Variants in PSME3 observed in about 807,000 individuals in gnomAD.
PSME3 encodes proteasome activator subunit 3, also known as proteasome activator complex subunit 3.
A neutral mutation model predicts 38.3 loss-of-function variants in PSME3; 7 were observed. That is an observed-to-expected ratio of 0.18 (90% CI 0.10 to 0.34). The LOEUF is 0.34. PSME3 is among the 10% of genes least tolerant of loss of function. The pLI is 1.00. For synonymous variants in PSME3, 108 were observed against 105.7 expected (o/e 1.02, Z -0.13); for missense variants, 192 against 307.6 (o/e 0.62, Z 2.81).
chr17:42,837,778 C>G, intron 5 of PSME3, 81 bp downstream of exon 5: 1 of 1,477,188 alleles, frequency 6.8e-7, no homozygotes, highest in Non-Finnish European at 9.5e-7. Flanking sequence ...CTAGTGTTCT[C>G]CTGACCAGGA....
intron 10 of PSME3, among the ~76,000 whole-genome samples, chr17:42,840,976 A>AC (rs2055524859): frequency 1.3e-5 from 2 of 151,452 alleles, no homozygotes; most frequent in Non-Finnish European, 3.0e-5. Context: ...TACTAAAAAT[A>AC]AAAAAAATTA....
rs775128023 is a variant in PSME3 at position 42,838,689 on chromosome 17, C to T, written c.406-42C>T. On this transcript the variant is annotated intron_variant, in intron 6 of 10. Transcript: ENST00000590720. The stretch of plus-strand genomic sequence containing the variant: ...GTCTGAATTGTGTACTTCATGGCTT[C>T]AGCCTTCAGGCAAAGGTCCTCATAT... 2.5e-6 allele frequency: 4 copies of T among 1,582,368 alleles called. No individual in the cohort carries two copies. In the South Asian group the frequency reaches 4.4e-5, roughly 18 times the overall value.
Position 42,843,161 on chromosome 17 carries a change from A to G in PSME3, c.*1583A>G, listed in dbSNP as rs2055555376. The G allele has an allele frequency of 1.3e-5, 2 of 152,478 alleles. No homozygotes were observed. Among genetic ancestry groups the G allele is most frequent in the Non-Finnish European group, 2.9e-5 (2 of 68,002 alleles). The allele number at this position is 152,478 out of a possible 1,614,324, so 9.4% of individuals were successfully genotyped here. A position where few individuals can be genotyped will look rare whatever the true frequency, so the allele number is the denominator to read the frequency against. On this transcript the variant is annotated 3_prime_UTR_variant, in exon 11 of 11. Transcript: ENST00000590720. ...TTCCACTGCCCCTCCTCCTCACCCT[A>G]TCACCCATGGATCGTAATGTAAAAT...
chr17:42,839,180 T>C lies in PSME3; in HGVS notation c.597+14T>C, dbSNP rs2055500081. Reference sequence around the variant, plus strand: ...TATCCCCATGTGGTAAGTAAGGGGTTTGTGGCCTGAGGGTGGAGGTGGCAG... The same window carrying C: ...TATCCCCATGTGGTAAGTAAGGGGTCTGTGGCCTGAGGGTGGAGGTGGCAG... On this transcript the variant is annotated intron_variant, in intron 9 of 10. Transcript: ENST00000590720. 1 of 1,575,738 alleles carries C rather than the reference T, an allele frequency of 6.3e-7. No homozygotes were observed. Among genetic ancestry groups the C allele is most frequent in the Non-Finnish European group, 8.7e-7 (1 of 1,145,154 alleles).
At chr17:42,841,055 C>G (rs1479425306) in intron 10 of PSME3, among the ~76,000 whole-genome samples, 1 of 151,156 alleles carries the variant, frequency 6.6e-6, no homozygotes, top group Non-Finnish European at 1.5e-5. Flanking sequence ...ATGGCATGAA[C>G]CTGGGAGGCG....
At position 42,842,524 on chromosome 17, in the gene PSME3, G is replaced by C. The variant is rs955609403; in HGVS notation, c.*946G>C. 14 of 152,914 alleles carry C rather than the reference G, an allele frequency of 9.2e-5. No individual in the cohort carries two copies. Among genetic ancestry groups the C allele is most frequent in the African/African-American group, 3.4e-4 (14 of 41,448 alleles). The allele number at this position is 152,914 out of a possible 1,614,324, so 9.5% of individuals were successfully genotyped here. ...ACTCCTGGTTGCCTTTTCCCAGCCAGTTTTCAGTTGGGGTGAAGGTTTCTG... is the reference window on the plus strand; with the variant it reads ...ACTCCTGGTTGCCTTTTCCCAGCCACTTTTCAGTTGGGGTGAAGGTTTCTG... On this transcript the variant is annotated 3_prime_UTR_variant, in exon 11 of 11. Coordinates refer to ENST00000590720, the MANE Select transcript of PSME3 (RefSeq NM_005789.4).
intron 6 of PSME3, 42 bp downstream of exon 6, chr17:42,838,247 C>G (rs1178786364): frequency 6.2e-7 from 1 of 1,611,718 alleles, no homozygotes; most frequent in South Asian, 1.1e-5. Flanking sequence ...CCCCAAGTAC[C>G]CCACCTGAAG....
intron 8 of PSME3, 35 bp downstream of exon 8, chr17:42,839,047 G>A (rs1219397402): frequency 3.7e-6 from 6 of 1,608,156 alleles, no homozygotes; most frequent in Non-Finnish European, 5.1e-6. Flanking sequence ...GGCGTTGGGG[G>A]CTGATGAGGT....
chr17:42,834,278 T>TG, intron 1 of PSME3, 66 bp from the exon 2 acceptor site: 1 of 1,611,568 alleles, frequency 6.2e-7, no homozygotes, highest in South Asian at 1.1e-5. Flanking sequence ...ACAGTTGGAT[T>TG]GGGATTCTCC....
intron 6 of PSME3, 51 bp downstream of exon 6, chr17:42,838,256 A>G: frequency 6.2e-7 from 1 of 1,609,948 alleles, no homozygotes; most frequent in Non-Finnish European, 8.5e-7. Flanking sequence ...CCCCACCTGA[A>G]GTGCAAAAAA....
At position 42,841,478 on chromosome 17, in the gene PSME3, C is replaced by T. The variant is rs778626195; in HGVS notation, c.685-20C>T. On this transcript the variant is annotated intron_variant, in intron 10 of 10. Transcript: ENST00000590720. ...AAGGGTTGTACAGATATGTGATTCC[C>T]CTGATCCCTCTTCTCTCAGGTCACT... The T allele has an allele frequency of 2.0e-6, 3 of 1,533,514 alleles. No individual in the cohort carries two copies. In the South Asian group the frequency reaches 3.4e-5, roughly 18 times the overall value. The allele number at this position is 1,533,514 out of a possible 1,614,324, so 95.0% of individuals were successfully genotyped here. A position where few individuals can be genotyped will look rare whatever the true frequency, so the allele number is the denominator to read the frequency against.
At chr17:42,835,263 C>G (rs901440607) in intron 4 of PSME3, among the ~76,000 whole-genome samples, 1 of 152,108 alleles carries the variant, frequency 6.6e-6, no homozygotes, top group African/African-American at 2.4e-5. Flanking sequence ...TCTCAAACTC[C>G]TGAGCTCAAG....
chr17:42,837,586 G>A, intron 4 of PSME3, 63 bp from the exon 5 acceptor site: 1 of 1,498,598 alleles, frequency 6.7e-7, no homozygotes, highest in Non-Finnish European at 9.3e-7. Context: ...TGCTTGAAGG[G>A]TATCTTGTGA....
Position 42,834,590 on chromosome 17 carries a change from ATTC to A in PSME3, c.138+16_138+18del. 6.2e-7 allele frequency: 1 copy of A among 1,613,124 alleles called. No homozygotes were observed. Among genetic ancestry groups the A allele is most frequent in the Non-Finnish European group, 8.5e-7 (1 of 1,179,292 alleles). ...TAGTTTTCTGAAGGTGAGAGACCCT[ATTC>A]TTTCCTCAAATTCCCCAATTTTTTT... On this transcript the variant is annotated intron_variant, in intron 3 of 10. Coordinates refer to ENST00000590720, the MANE Select transcript of PSME3 (RefSeq NM_005789.4).
At chr17:42,836,300 C>T (rs962405990) in intron 4 of PSME3, among the ~76,000 whole-genome samples, 10 of 151,998 alleles carry the variant, frequency 6.6e-5, no homozygotes, top group Admixed American at 1.3e-4. Flanking sequence ...CCATCGTGCT[C>T]GGCCGGCAGG....
intron 2 of PSME3, 49 bp downstream of exon 2, chr17:42,834,425 G>A: frequency 6.2e-7 from 1 of 1,607,332 alleles, no homozygotes; most frequent in East Asian, 2.2e-5. Context: ...ATTTCCCAAA[G>A]AGGAGATACC....
chr17:42,838,136 C>A lies in PSME3; in HGVS notation c.336C>A (p.Asn112Lys). 6.2e-7 allele frequency: 1 copy of A among 1,614,150 alleles called. No individual in the cohort carries two copies. The highest frequency in any genetic ancestry group is 8.5e-7 in the Non-Finnish European group (1 of 1,180,030). Residue 112 changes from asparagine to lysine, a missense_variant, in exon 6 of 11, where the codon AAC becomes AAA. Around this residue, in one of 2 missense-constraint regions of PSME3, gnomAD observed 110 missense variants for 139.3 expected, o/e 0.79. Transcript: ENST00000590720. ...TGCCCAATGGGATGCTGAAAAGCAA[C>A]CAGCAGCTGGTGGACATTATTGAGA... ...FVMPNGMLKS[N>K]QQLVDIIEKV...
chr17:42,837,648 G>GCCCA lies in PSME3; in HGVS notation c.245_248dup (p.Tyr84HisfsTer3). The GCCCA allele has an allele frequency of 6.2e-7, 1 of 1,614,086 alleles. No individual in the cohort carries two copies. The highest frequency in any genetic ancestry group is 8.5e-7 in the Non-Finnish European group (1 of 1,179,984). Reference sequence around the variant, plus strand: ...TCATCCCTGCCTCTTTGTATCCTTAGCCCACTTATAAGAAGCGAAGGTTGG... The same window carrying GCCCA: ...TCATCCCTGCCTCTTTGTATCCTTAGCCCACCCACTTATAAGAAGCGAAGGTTGG... On this transcript the variant is annotated frameshift_variant and splice_region_variant. Transcript: ENST00000590720. LOFTEE classifies it high-confidence loss of function.
chr17:42,841,855 C>A lies in PSME3; in HGVS notation c.*277C>A. 1 of 292,340 alleles carries A rather than the reference C, an allele frequency of 3.4e-6. No homozygotes were observed. 18.1% of individuals were successfully genotyped at this position (292,340 alleles called of 1,614,324 possible). On this transcript the variant is annotated 3_prime_UTR_variant, in exon 11 of 11. Transcript: ENST00000590720. ...GGTTTGTGTGTGCAGGATGTTGGCA[C>A]AAAAATACCTGTGTTTTCATTCTCC...
Sources: allele counts gnomAD v4.1 joint callset (sites outside exome capture counted in the v4.1 genomes callset), GRCh38; gene constraint gnomAD v4.1.1; regional missense constraint gnomAD v4.1.1; transcripts MANE v1.5; gene names NCBI Gene and HGNC (gene_info 2026-07-23, HGNC 2026-07-21).